The following CPPED1 variants were observed in gnomAD, a reference collection of about 807,000 sequenced individuals.
The protein encoded by CPPED1 is serine/threonine-protein phosphatase CPPED1.
A neutral mutation model predicts 28.0 loss-of-function variants in CPPED1; 28 were observed. The ratio of observed to expected loss-of-function variants is 1.00; its 90% CI spans 0.74 to 1.37. The LOEUF (loss-of-function observed/expected upper bound fraction) is 1.37, where lower values mean the gene tolerates loss of function less well. Among genes scored for constraint, CPPED1 ranks in the 40% most tolerant of loss-of-function variants. The probability of loss-of-function intolerance (pLI) is 0.00; values close to 1 mark genes in which losing one functional copy is unlikely to be tolerated. For synonymous variants in CPPED1, 198 were observed against 180.2 expected, an observed-to-expected ratio of 1.10 and a Z score of -0.79; for missense variants, 504 against 416.5, an observed-to-expected ratio of 1.21 and a Z score of -1.83.
chr16:12,752,754 A>G (rs1236853899), intron 2 of CPPED1, among the ~76,000 whole-genome samples: 1 of 147,890 alleles, frequency 6.8e-6, no homozygotes, highest in African/African-American at 2.4e-5. Context: ...ATAAAATAAA[A>G]ACAAAGAAAA....
intron 2 of CPPED1, among the ~76,000 whole-genome samples, chr16:12,750,731 G>C (rs2080322329): frequency 6.6e-6 from 1 of 152,212 alleles, no homozygotes; most frequent in Admixed American, 6.5e-5. Flanking sequence ...AGTACTTTGG[G>C]AGGCTGAGGT....
chr16:12,766,256 T>TATATATATATATAGAGAG, intron 2 of CPPED1, among the ~76,000 whole-genome samples: 21 of 134,288 alleles, frequency 1.6e-4, no homozygotes, highest in African/African-American at 7.3e-4. Context: ...TATATATATA[T>TATATATATATATAGAGAG]AGAGAGAGAG....
At chr16:12,685,569 G>A (rs1267697601) in intron 3 of CPPED1, among the ~76,000 whole-genome samples, 2 of 152,204 alleles carry the variant, frequency 1.3e-5, no homozygotes, top group East Asian at 1.9e-4. Flanking sequence ...GCATGCCGGG[G>A]ACCTGATGCT....
intron 2 of CPPED1, among the ~76,000 whole-genome samples, chr16:12,712,663 G>A (rs1035385093): frequency 2.0e-5 from 3 of 152,146 alleles, no homozygotes; most frequent in Admixed American, 1.3e-4. Context: ...GTTAAGGTTT[G>A]GGGAGCAAGG....
intron 3 of CPPED1, 33 bp from the exon 4 acceptor site, chr16:12,665,148 G>A (rs765117549): frequency 9.5e-6 from 15 of 1,575,380 alleles, no homozygotes; most frequent in Middle Eastern, 1.7e-4. Flanking sequence ...TTAGGGGGCC[G>A]AGGACTTCCA....
intron 2 of CPPED1, among the ~76,000 whole-genome samples, chr16:12,749,691 G>C (rs912873578): frequency 6.6e-6 from 1 of 152,170 alleles, no homozygotes; most frequent in Non-Finnish European, 1.5e-5. Context: ...CCAGGTTCAA[G>C]TGATTCTCCT....
intron 3 of CPPED1, among the ~76,000 whole-genome samples, chr16:12,693,499 C>T (rs79178361): frequency 0.015 from 2,347 of 151,902 alleles, 55 homozygotes; most frequent in African/African-American, 0.053. Flanking sequence ...CCTGGCCATG[C>T]TATTTTTTTT....
At chr16:12,700,856 C>T (rs1287728259) in intron 3 of CPPED1, among the ~76,000 whole-genome samples, 1 of 152,124 alleles carries the variant, frequency 6.6e-6, no homozygotes, top group Non-Finnish European at 1.5e-5. Flanking sequence ...TGCAAATCCA[C>T]CTGACAAGTG....
intron 1 of CPPED1, among the ~76,000 whole-genome samples, chr16:12,798,280 G>C (rs1218918550): frequency 6.6e-6 from 1 of 152,048 alleles, no homozygotes; most frequent in African/African-American, 2.4e-5. Context: ...TTACTCACAG[G>C]AACTCTCAAA....
At chr16:12,668,287 AT>A (rs1014286927) in intron 3 of CPPED1, among the ~76,000 whole-genome samples, 6 of 152,294 alleles carry the variant, frequency 3.9e-5, no homozygotes, top group African/African-American at 1.2e-4. Flanking sequence ...TTAACTATTG[AT>A]TTTTTTAAAC....
At chr16:12,728,175 A>C (rs888424807) in intron 2 of CPPED1, among the ~76,000 whole-genome samples, 1 of 152,156 alleles carries the variant, frequency 6.6e-6, no homozygotes, top group Non-Finnish European at 1.5e-5. Flanking sequence ...AAGTATAAAA[A>C]CCTAACTGCT....
chr16:12,784,792 T>C (rs2080553202), intron 1 of CPPED1, among the ~76,000 whole-genome samples: 1 of 152,184 alleles, frequency 6.6e-6, no homozygotes, highest in Non-Finnish European at 1.5e-5. Flanking sequence ...TATGAACAGC[T>C]CCCTATAGCA....
At chr16:12,691,526 C>G (rs375364325) in intron 3 of CPPED1, among the ~76,000 whole-genome samples, 1 of 152,048 alleles carries the variant, frequency 6.6e-6, no homozygotes, top group Admixed American at 6.6e-5. Context: ...ATGTTTATTG[C>G]GGCATTATTC....
intron 3 of CPPED1, among the ~76,000 whole-genome samples, chr16:12,698,539 C>T (rs2141183289): frequency 6.6e-6 from 1 of 152,308 alleles, no homozygotes; most frequent in South Asian, 2.1e-4. Flanking sequence ...TCAAGCGATT[C>T]TTCTGCCTCA....
intron 3 of CPPED1, among the ~76,000 whole-genome samples, chr16:12,697,858 T>C (rs2080000117): frequency 6.6e-6 from 1 of 152,134 alleles, no homozygotes; most frequent in African/African-American, 2.4e-5. Context: ...ATGCCTGTAA[T>C]CTTAGCACTT....
intron 2 of CPPED1, among the ~76,000 whole-genome samples, chr16:12,710,156 A>T (rs1289858539): frequency 1.3e-5 from 2 of 152,248 alleles, no homozygotes; most frequent in African/African-American, 2.4e-5. Context: ...CACTAATAAG[A>T]GAAATTAGCT....
chr16:12,726,088 C>G (rs1244815292), intron 2 of CPPED1, among the ~76,000 whole-genome samples: 1 of 151,880 alleles, frequency 6.6e-6, no homozygotes, highest in Non-Finnish European at 1.5e-5. Flanking sequence ...GTCGCCCAAG[C>G]TGGAGTGCAA....
chr16:12,772,123 AAAAAC>A (rs914790170), intron 2 of CPPED1, among the ~76,000 whole-genome samples: 5 of 152,088 alleles, frequency 3.3e-5, no homozygotes, highest in Admixed American at 3.3e-4. Context: ...ACTCTGTCTG[AAAAAC>A]AAAACAAAAC....
At chr16:12,685,382 G>A (rs533703096) in intron 3 of CPPED1, among the ~76,000 whole-genome samples, 19 of 152,232 alleles carry the variant, frequency 1.2e-4, no homozygotes, top group East Asian at 9.7e-4. Context: ...CCCAGGAGGC[G>A]GAGGTTGCAG....
Sources: allele counts gnomAD v4.1 joint callset (sites outside exome capture counted in the v4.1 genomes callset), GRCh38; gene constraint gnomAD v4.1.1; transcripts MANE v1.5; gene names NCBI Gene and HGNC (gene_info 2026-07-23, HGNC 2026-07-21).